SLC2A13: variants seen among roughly 807,000 people sequenced by gnomAD.
The protein encoded by SLC2A13 is proton myo-inositol cotransporter.
SLC2A13 carries 32 observed loss-of-function variants against 64.4 expected under a neutral mutation model. That is an observed-to-expected ratio of 0.50 (90% CI 0.37 to 0.67). SLC2A13 has a LOEUF of 0.67. SLC2A13 is among the 30% of genes least tolerant of loss of function. SLC2A13 has a pLI of 0.00. For synonymous variants in SLC2A13, 338 were observed against 327.1 expected (o/e 1.03, Z -0.36); for missense variants, 743 against 829.2 (o/e 0.90, Z 1.28).
At position 40,059,099 on chromosome 12, in the gene SLC2A13, C is replaced by T. The variant is rs555489255; in HGVS notation, c.557-10889G>A. On this transcript the variant is annotated intron_variant, in intron 1 of 9. Transcript: ENST00000280871. ...CAGTAACTCTGAGACACTGACACAG[C>T]CAGAATAGAGGTAGTGATTTTCTTT... 4.6e-5 allele frequency among the ~76,000 whole-genome samples: 7 copies of T among 152,228 alleles called. No individual in the cohort carries two copies. The South Asian group carries it at 1.5e-3, about 32-fold the overall frequency.
At chr12:39,792,677 T>A (rs906777680) in intron 7 of SLC2A13, among the ~76,000 whole-genome samples, 10 of 152,070 alleles carry the variant, frequency 6.6e-5, no homozygotes, top group African/African-American at 1.9e-4. Flanking sequence ...GCCCTACAGA[T>A]ACCAAAAGTC....
chr12:40,016,835 T>C (rs1297918279), intron 3 of SLC2A13, among the ~76,000 whole-genome samples: 8 of 152,226 alleles, frequency 5.3e-5, no homozygotes, highest in South Asian at 2.1e-4. Flanking sequence ...AAATACTTGA[T>C]GTCAAAAAAT....
At chr12:39,919,941 T>G (rs1945586357) in intron 4 of SLC2A13, among the ~76,000 whole-genome samples, 1 of 152,068 alleles carries the variant, frequency 6.6e-6, no homozygotes, top group South Asian at 2.1e-4. Flanking sequence ...TTTTTTTTTG[T>G]AAACAACTCT....
chr12:40,072,173 G>A (rs1306997502), intron 1 of SLC2A13, among the ~76,000 whole-genome samples: 1 of 152,052 alleles, frequency 6.6e-6, no homozygotes, highest in African/African-American at 2.4e-5. Flanking sequence ...TTATTTAGAA[G>A]TGTGTTGTTT....
intron 7 of SLC2A13, among the ~76,000 whole-genome samples, chr12:39,786,709 A>G (rs1941201425): frequency 6.6e-6 from 1 of 152,222 alleles, no homozygotes; most frequent in African/African-American, 2.4e-5. Flanking sequence ...GACAGACAGT[A>G]TTAAATCTGG....
intron 7 of SLC2A13, among the ~76,000 whole-genome samples, chr12:39,798,257 A>G (rs768288858): frequency 2.0e-5 from 3 of 152,320 alleles, no homozygotes; most frequent in Middle Eastern, 3.4e-3. Context: ...GAGGACTGCA[A>G]TCTCATGAGA....
At chr12:40,037,436 A>T (rs1372333486) in intron 2 of SLC2A13, among the ~76,000 whole-genome samples, 1 of 151,930 alleles carries the variant, frequency 6.6e-6, no homozygotes, top group Non-Finnish European at 1.5e-5. Context: ...CCAGGAAACA[A>T]GGTAAAACCT....
intron 3 of SLC2A13, among the ~76,000 whole-genome samples, chr12:39,998,146 TAAAG>T (rs1947263501): frequency 6.6e-6 from 1 of 152,252 alleles, no homozygotes; most frequent in Admixed American, 6.5e-5. Flanking sequence ...AGCGAGTGGA[TAAAG>T]AAATTGTGGT....
At chr12:39,920,846 G>A (rs1481334258) in intron 4 of SLC2A13, among the ~76,000 whole-genome samples, 9 of 152,014 alleles carry the variant, frequency 5.9e-5, no homozygotes, top group African/African-American at 1.9e-4. Flanking sequence ...GCCACAGAAT[G>A]CCTGCTAAAT....
At chr12:39,979,361 G>A (rs898920388) in intron 3 of SLC2A13, among the ~76,000 whole-genome samples, 378 of 148,906 alleles carry the variant, frequency 2.5e-3, no homozygotes, top group African/African-American at 9.0e-3. Flanking sequence ...GGCTTCAGAC[G>A]ATCAAATTAC....
rs143772702 is a variant in SLC2A13 at position 39,986,057 on chromosome 12, C to T, written c.926-34692G>A. 3.6e-3 allele frequency among the ~76,000 whole-genome samples: 542 copies of T among 152,086 alleles called. 5 individuals are homozygous for T. Among genetic ancestry groups the T allele is most frequent in the South Asian group, 7.5e-3 (36 of 4,818 alleles). On this transcript the variant is annotated intron_variant, in intron 3 of 9. Coordinates refer to ENST00000280871, the MANE Select transcript of SLC2A13 (RefSeq NM_052885.4). ...AGCACATCACTGTGTCCTCACATGA[C>T]GGGAGGGGAGAGATCTCTCTCAGGC...
intron 7 of SLC2A13, among the ~76,000 whole-genome samples, chr12:39,797,330 A>G (rs1353170220): frequency 6.6e-6 from 1 of 152,190 alleles, no homozygotes; most frequent in Non-Finnish European, 1.5e-5. Context: ...CACTGAACTT[A>G]TTTTGGATTT....
At chr12:40,076,500 A>T (rs1210822471) in intron 1 of SLC2A13, among the ~76,000 whole-genome samples, 1 of 152,016 alleles carries the variant, frequency 6.6e-6, no homozygotes, top group East Asian at 1.9e-4. Context: ...GATTTTTTTT[A>T]TAGTGTGTAG....
At chr12:40,074,486 C>A (rs1938088929) in intron 1 of SLC2A13, among the ~76,000 whole-genome samples, 1 of 152,062 alleles carries the variant, frequency 6.6e-6, no homozygotes, top group Non-Finnish European at 1.5e-5. Context: ...TCATTTCTGG[C>A]ATAGTGTTTT....
chr12:39,798,283 C>T (rs1941650473), intron 7 of SLC2A13, among the ~76,000 whole-genome samples: 1 of 152,202 alleles, frequency 6.6e-6, no homozygotes, highest in Non-Finnish European at 1.5e-5. Flanking sequence ...CACCACAGAG[C>T]CTCAGCTCAG....
intron 1 of SLC2A13, among the ~76,000 whole-genome samples, chr12:40,067,991 T>C (rs1482289): frequency 0.87 from 132,020 of 152,174 alleles, 57,321 homozygotes; most frequent in East Asian, 0.95. Context: ...GCAGCCTCGA[T>C]TTCCTAGACT....
At chr12:39,969,561 C>T (rs1437766448) in intron 3 of SLC2A13, among the ~76,000 whole-genome samples, 1 of 152,188 alleles carries the variant, frequency 6.6e-6, no homozygotes, top group Non-Finnish European at 1.5e-5. Flanking sequence ...TGATGATGAG[C>T]ATTTCTTCAT....
chr12:39,768,940 T>A (rs186789296), intron 7 of SLC2A13, among the ~76,000 whole-genome samples: 9 of 152,190 alleles, frequency 5.9e-5, no homozygotes, highest in African/African-American at 1.7e-4. Flanking sequence ...TAAAATGAAG[T>A]ATATACTGTC....
At chr12:40,050,557 CA>C (rs1359040150) in intron 1 of SLC2A13, among the ~76,000 whole-genome samples, 2 of 152,170 alleles carry the variant, frequency 1.3e-5, no homozygotes, top group South Asian at 4.1e-4. Context: ...AACACTGCAA[CA>C]ACTACCTACA....
Sources: gnomAD v4.1 joint callset for allele counts (sites outside exome capture counted in the v4.1 genomes callset) on GRCh38, gnomAD v4.1.1 for gene constraint, MANE v1.5 for transcripts, NCBI Gene and HGNC (gene_info 2026-07-23, HGNC 2026-07-21) for gene names.